CERS1: variants seen among roughly 807,000 people sequenced by gnomAD.
CERS1 encodes the protein Embryonic growth/differentiation factor 1.
Under a neutral mutation model 35.7 loss-of-function variants are expected in CERS1, and 16 were observed. That is an observed-to-expected ratio of 0.45 (90% CI 0.30 to 0.68). The LOEUF is 0.68. CERS1 is among the 30% of genes least tolerant of loss of function. The pLI is 0.08. For missense variants in CERS1, 454 were observed against 453.9 expected, an observed-to-expected ratio of 1.00 and a Z score of 0.00; for synonymous variants, 243 against 201.6, an observed-to-expected ratio of 1.21 and a Z score of -1.74.
Position 18,869,267 on chromosome 19 carries a change from C to G in CERS1, c.*718G>C. Reference sequence around the variant, plus strand: ...GGCTGCCGCCGCCGCCGCCGCGAAACGCAGCTCCAGGCGGGCCCGGCTCGG... The same window carrying G: ...GGCTGCCGCCGCCGCCGCCGCGAAAGGCAGCTCCAGGCGGGCCCGGCTCGG... On this transcript the variant is annotated 3_prime_UTR_variant, in exon 8 of 8. Coordinates refer to ENST00000623882, the MANE Select transcript of CERS1 (RefSeq NM_021267.5). 1 of 1,473,326 alleles carries G rather than the reference C, an allele frequency of 6.8e-7. No individual in the cohort carries two copies. Among genetic ancestry groups the G allele is most frequent in the Non-Finnish European group, 8.9e-7 (1 of 1,122,662 alleles). The allele number at this position is 1,473,326 out of a possible 1,614,324, so 91.3% of individuals were successfully genotyped here. A position where few individuals can be genotyped will look rare whatever the true frequency, so the allele number is the denominator to read the frequency against.
At chr19:18,879,626 C>T (rs1256060677) in intron 4 of CERS1, among the ~76,000 whole-genome samples, 1 of 148,632 alleles carries the variant, frequency 6.7e-6, no homozygotes, top group Non-Finnish European at 1.5e-5. Flanking sequence ...TCACCCACCT[C>T]GCCAAGGCCC....
Position 18,879,001 on chromosome 19 carries a change from C to T in CERS1, c.939G>A (p.Gln313=). 2 of 1,613,800 alleles carry T rather than the reference C, an allele frequency of 1.2e-6. No individual in the cohort carries two copies. Among genetic ancestry groups the T allele is most frequent in the East Asian group, 2.2e-5 (1 of 44,884 alleles). ...VAFAAKVLTG[Q]VHELKDLREY... ...CCCGCAGGTCCTTCAGCTCGTGCAC[C>T]TGGCCTGTCAACACCTTGGCTGCAA... Residue 313 remains glutamine (Q), a synonymous_variant, in exon 6 of 8, where the codon CAG becomes CAA. Coordinates refer to ENST00000623882, the MANE Select transcript of CERS1 (RefSeq NM_021267.5).
In CERS1 at chr19:18,868,768, G is replaced by A. The variant is rs1242477025; in HGVS notation, c.*1217C>T. On this transcript the variant is annotated 3_prime_UTR_variant, in exon 8 of 8. Coordinates refer to ENST00000623882, the MANE Select transcript of CERS1 (RefSeq NM_021267.5). Reference sequence around the variant, plus strand: ...GCATGAGCGCGCGCAGCACAGCGTGGTTGAGCGCCGGCGGCCCCCCGGACC... The same window carrying A: ...GCATGAGCGCGCGCAGCACAGCGTGATTGAGCGCCGGCGGCCCCCCGGACC... The A allele has an allele frequency of 2.7e-6, 4 of 1,478,792 alleles. No individual in the cohort carries two copies. The highest frequency in any genetic ancestry group is 1.5e-5 in the African/African-American group (1 of 67,646). 91.6% of individuals were successfully genotyped at this position (1,478,792 alleles called of 1,614,324 possible). A position where few individuals can be genotyped will look rare whatever the true frequency, so the allele number is the denominator to read the frequency against.
chr19:18,874,887 G>GAGTT (rs2056034658), intron 6 of CERS1, among the ~76,000 whole-genome samples: 1 of 152,182 alleles, frequency 6.6e-6, no homozygotes, highest in Non-Finnish European at 1.5e-5. Context: ...CACGCCTCCT[G>GAGTT]AGTTACCTAA....
intron 2 of CERS1, among the ~76,000 whole-genome samples, chr19:18,892,772 CCT>C (rs1200304309): frequency 1.4e-4 from 21 of 152,234 alleles, no homozygotes; most frequent in African/African-American, 4.3e-4. Context: ...ACACAGGGGT[CCT>C]TCCAGGATGT....
At position 18,895,181 on chromosome 19, in the gene CERS1, C is replaced by T. The variant is rs1481170208; in HGVS notation, c.249+643G>A. 6.6e-6 allele frequency among the ~76,000 whole-genome samples: 1 copy of T among 152,260 alleles called. No homozygotes were observed. Among genetic ancestry groups the T allele is most frequent in the East Asian group, 1.9e-4 (1 of 5,196 alleles). The stretch of plus-strand genomic sequence containing the variant: ...CAGAGCACCCAGGCCCTTGCCATCC[C>T]TGGTCGGAGGGTGGCGCTGACCCCA... On this transcript the variant is annotated intron_variant, in intron 1 of 7. Transcript: ENST00000623882. The surrounding 1 kb of genome is among the most constrained non-coding windows in gnomAD (Gnocchi z 6.4).
upstream of CERS1, among the ~76,000 whole-genome samples, chr19:18,896,927 G>GA (rs1048696900): frequency 6.6e-6 from 1 of 151,944 alleles, no homozygotes; most frequent in Admixed American, 6.6e-5. This position sits in a 1 kb window ranked among gnomAD's most constrained non-coding sequence, Gnocchi z 5.9. Flanking sequence ...GGGAACCCGG[G>GA]GGGGGGGCTC....
In CERS1 at chr19:18,881,515, C is replaced by T. The variant is rs532898590; in HGVS notation, c.591-1080G>A. Among the ~76,000 whole-genome samples the T allele has an allele frequency of 9.9e-5, 15 of 151,704 alleles. 1 individual carries two copies. In the South Asian group the frequency reaches 1.9e-3, roughly 19 times the overall value. On this transcript the variant is annotated intron_variant, in intron 3 of 7. Transcript: ENST00000623882. ...GATTACAGGTGTGAGCCACCGTGCC[C>T]GGCCCCATTAGGATCTTAATAAGCC...
At chr19:18,874,811 A>C (rs1196519787) in intron 6 of CERS1, among the ~76,000 whole-genome samples, 1 of 152,198 alleles carries the variant, frequency 6.6e-6, no homozygotes, top group Non-Finnish European at 1.5e-5. Flanking sequence ...GCTGCTCAAG[A>C]AGCAGCAATG....
At chr19:18,887,062 C>T (rs2056379928) in intron 2 of CERS1, among the ~76,000 whole-genome samples, 1 of 152,258 alleles carries the variant, frequency 6.6e-6, no homozygotes, top group Non-Finnish European at 1.5e-5. Flanking sequence ...ACTCATGTGT[C>T]CCTGTCTACA....
chr19:18,869,607 G>C (rs1043837928), intron 7 of CERS1, among the ~76,000 whole-genome samples: 1 of 150,642 alleles, frequency 6.6e-6, no homozygotes, highest in Non-Finnish European at 1.5e-5. Flanking sequence ...GGCTGCCCTC[G>C]GCGGGGGGCA....
Position 18,869,301 on chromosome 19 carries a change from C to T in CERS1, c.*684G>A. On this transcript the variant is annotated 3_prime_UTR_variant, in exon 8 of 8. Transcript: ENST00000623882. ...AGGCGGGCCCGGCTCGGGCGCTCAG[C>T]GGGTTCCACAGCCGACAGGTCGAAG... The T allele has an allele frequency of 1.3e-6, 2 of 1,515,766 alleles. 1 individual carries two copies. The highest frequency in any genetic ancestry group is 2.4e-5 in the South Asian group (2 of 83,012). The allele number at this position is 1,515,766 out of a possible 1,614,324, so 93.9% of individuals were successfully genotyped here.
At chr19:18,879,433 GCCCTACCCAGT>G in intron 4 of CERS1, 45 bp from the exon 5 acceptor site, 1 of 1,544,760 alleles carries the variant, frequency 6.5e-7, no homozygotes, top group Non-Finnish European at 8.7e-7. Context: ...GGGGGACGGT[GCCCTACCCAGT>G]CCCTGTCCTA....
chr19:18,882,852 C>T (rs768361145), intron 3 of CERS1, among the ~76,000 whole-genome samples: 17 of 151,954 alleles, frequency 1.1e-4, no homozygotes, highest in Admixed American at 9.2e-4. Context: ...ACCACCACGC[C>T]CAGCTAATTT....
intron 2 of CERS1, among the ~76,000 whole-genome samples, chr19:18,890,785 A>G (rs1235570388): frequency 7.6e-6 from 1 of 131,244 alleles, no homozygotes; most frequent in Non-Finnish European, 1.6e-5. Flanking sequence ...CGTCTGGGGA[A>G]AAAAAAAAAA....
At chr19:18,871,364 G>T (rs2055967530) in intron 6 of CERS1, among the ~76,000 whole-genome samples, 1 of 151,262 alleles carries the variant, frequency 6.6e-6, no homozygotes. Context: ...GTAGTGTGGT[G>T]GCACCTGCCA....
chr19:18,895,537 C>T lies in CERS1; in HGVS notation c.249+287G>A, dbSNP rs1568309211. Reference sequence around the variant, plus strand: ...CACGTCTCAAACATCCCACCTGTCTCGGGCCCCCCATGTCCCAGACTCACC... The same window carrying T: ...CACGTCTCAAACATCCCACCTGTCTTGGGCCCCCCATGTCCCAGACTCACC... On this transcript the variant is annotated intron_variant, in intron 1 of 7. Coordinates refer to ENST00000623882, the MANE Select transcript of CERS1 (RefSeq NM_021267.5). The surrounding 1 kb of genome is among the most constrained non-coding windows in gnomAD (Gnocchi z 6.4). Among the ~76,000 whole-genome samples the T allele has an allele frequency of 6.6e-6, 1 of 151,928 alleles. No homozygotes were observed. The highest frequency in any genetic ancestry group is 1.5e-5 in the Non-Finnish European group (1 of 67,964).
chr19:18,885,517 T>TGTTTTTTG lies in CERS1; in HGVS notation c.410-1251_410-1250insCAAAAAAC, dbSNP rs143416454. 4.4e-5 allele frequency among the ~76,000 whole-genome samples: 6 copies of TGTTTTTTG among 137,542 alleles called. 3 individuals carry two copies. 90.2% of individuals were successfully genotyped at this position (137,542 alleles called of 152,430 possible). A position where few individuals can be genotyped will look rare whatever the true frequency, so the allele number is the denominator to read the frequency against. ...CAGCCCAGCGCCCCTTCTCGTTTTT[T>TGTTTTTTG]TTTTTTTTTTTTTTTTTTTTGAGAT... On this transcript the variant is annotated intron_variant, in intron 2 of 7. Transcript: ENST00000623882.
chr19:18,883,739 G>A (rs2056274141), intron 3 of CERS1, among the ~76,000 whole-genome samples: 1 of 152,158 alleles, frequency 6.6e-6, no homozygotes. Flanking sequence ...CATTGCTTGG[G>A]CGTGGCAGGT....
Sources: allele counts gnomAD v4.1 joint callset (sites outside exome capture counted in the v4.1 genomes callset), GRCh38; gene constraint gnomAD v4.1.1; non-coding constraint Gnocchi (gnomAD v3.1); transcripts MANE v1.5; gene names NCBI Gene and HGNC (gene_info 2026-07-23, HGNC 2026-07-21).